AKR1C1: variants seen among roughly 807,000 people sequenced by gnomAD.
The protein encoded by AKR1C1 is 20 alpha-hydroxysteroid dehydrogenase.
AKR1C1 carries 32 observed loss-of-function variants against 40.6 expected under a neutral mutation model. That is an observed-to-expected ratio of 0.79 (90% CI 0.60 to 1.06). The LOEUF (loss-of-function observed/expected upper bound fraction) is 1.06. AKR1C1 is among the 50% of genes least tolerant of loss of function. The probability of loss-of-function intolerance (pLI) is 0.00; values close to 1 mark genes in which losing one functional copy is unlikely to be tolerated. For missense variants in AKR1C1, 320 were observed against 363.5 expected (o/e 0.88, Z 0.97); for synonymous variants, 105 against 134.2 (o/e 0.78, Z 1.50).
At chr10:4,973,916 A>ATACG (rs1836481331) in intron 7 of AKR1C1, among the ~76,000 whole-genome samples, 1 of 14,692 alleles carries the variant, frequency 6.8e-5, no homozygotes, top group African/African-American at 3.3e-4. Flanking sequence ...TATATGAAAT[A>ATACG]TCATATATGA....
chr10:4,967,232 T>G, intron 3 of AKR1C1, 189 bp downstream of exon 3: 1 of 993,676 alleles, frequency 1.0e-6, no homozygotes, highest in Non-Finnish European at 1.4e-6. Context: ...TGATTGCATG[T>G]CTATAAGAAA....
intron 3 of AKR1C1, chr10:4,968,087 G>A (rs1836358349): frequency 3.3e-6 from 3 of 918,480 alleles, no homozygotes; most frequent in Non-Finnish European, 3.2e-6. Context: ...CCAGAAAGAG[G>A]TATTTATTTA....
At chr10:4,964,173 G>A (rs7074155) in intron 1 of AKR1C1, among the ~76,000 whole-genome samples, 52,389 of 151,326 alleles carry the variant, frequency 0.35, 10,341 homozygotes, top group African/African-American at 0.54. Flanking sequence ...TTCTCTGACA[G>A]GAAAATTAAT....
At chr10:4,969,686 T>G in intron 5 of AKR1C1, 2 of 1,611,772 alleles carry the variant, frequency 1.2e-6, no homozygotes, top group Non-Finnish European at 1.7e-6. Flanking sequence ...CTAGAGATAA[T>G]TCCATCTTTT....
rs1554770853 is a variant in AKR1C1, at chr10:4,979,392, G to C, written c.*1650G>C. 6.6e-6 allele frequency: 1 copy of C among 152,158 alleles called. No individual in the cohort carries two copies. Among genetic ancestry groups the C allele is most frequent in the Non-Finnish European group, 1.5e-5 (1 of 68,032 alleles). 9.4% of individuals were successfully genotyped at this position (152,158 alleles called of 1,614,324 possible). ...GTGAACTCTGCATCTCCATGTTAAA[G>C]TCTAATGGACATTCACACTTAGCAT... On this transcript the variant is annotated 3_prime_UTR_variant, in exon 9 of 9. Transcript: ENST00000380872.
At chr10:4,965,510 C>T (rs1348635660) in intron 1 of AKR1C1, 1 of 155,086 alleles carries the variant, frequency 6.4e-6, no homozygotes, top group Non-Finnish European at 1.4e-5. Context: ...ATGATCCGCC[C>T]AGCTCGGCCT....
In AKR1C1 at chr10:4,979,733, A is replaced by C. The variant is rs1325231773; in HGVS notation, c.*1991A>C. On this transcript the variant is annotated 3_prime_UTR_variant, in exon 9 of 9. Transcript: ENST00000380872. ...TTATAAAACTCTTATTGTTAAAAAA[A>C]AAGTTACTCAGAATTTCATAAAGCC... The C allele has an allele frequency of 1.3e-5, 2 of 152,198 alleles. No individual in the cohort carries two copies. The highest frequency in any genetic ancestry group is 1.3e-4 in the Admixed American group (2 of 15,276). The allele number at this position is 152,198 out of a possible 1,614,324, so 9.4% of individuals were successfully genotyped here. A position where few individuals can be genotyped will look rare whatever the true frequency, so the allele number is the denominator to read the frequency against.
Position 4,972,653 on chromosome 10 carries a change from A to T in AKR1C1, c.750A>T (p.Arg250=), listed in dbSNP as rs782566121. The change falls in exon 7 of 9, where the codon CGA becomes CGT. Residue 250 remains arginine, a synonymous_variant. Transcript: ENST00000380872. ...VLCALAKKHK[R]TPALIALRYQ... is the part of the protein sequence containing the mutation. ...GTGCCTTGGCAAAAAAGCACAAGCG[A>T]ACCCCAGCCCTGATTGCCCTGCGCT... 9.4e-5 allele frequency: 152 copies of T among 1,613,110 alleles called. No individual in the cohort carries two copies. The highest frequency in any genetic ancestry group is 1.2e-4 in the Non-Finnish European group (138 of 1,180,046).
intron 5 of AKR1C1, among the ~76,000 whole-genome samples, chr10:4,969,172 G>C (rs1836384591): frequency 6.6e-6 from 1 of 152,138 alleles, no homozygotes; most frequent in African/African-American, 2.4e-5. Context: ...ATTTATGGGA[G>C]GTCAATTCAA....
In AKR1C1 at chr10:4,982,295, C is replaced by G. The variant is rs1197783977; in HGVS notation, c.*4553C>G. 1.3e-5 allele frequency: 2 copies of G among 152,168 alleles called. No individual in the cohort carries two copies. The allele number at this position is 152,168 out of a possible 1,614,324, so 9.4% of individuals were successfully genotyped here. On this transcript the variant is annotated 3_prime_UTR_variant, in exon 9 of 9. Transcript: ENST00000380872. ...CATCTAGTGGATGTTTGTGGCTTAA[C>G]AAGCCCCTTCAATAAGTACTTGGCG...
rs184667460 is a variant in AKR1C1, at chr10:4,967,038, G to C, written c.364G>C (p.Val122Leu). The C allele has an allele frequency of 1.2e-6, 2 of 1,612,600 alleles. No homozygotes were observed. Among genetic ancestry groups the C allele is most frequent in the East Asian group, 2.2e-5 (1 of 44,864 alleles). The change falls in exon 3 of 9, where the codon GTA becomes CTA. Residue 122 changes from valine (V) to leucine (L), a missense_variant. Physicochemically the swap from Val to Leu is conservative, Grantham distance 32. Transcript: ENST00000380872. ...DLYLIHFPVS[V>L]KPGEEVIPKD... ...CTACCTTATTCATTTTCCAGTGTCT[G>C]TAAAGGTAGGCAGCTTGTGTGATCA...
At chr10:4,972,533 C>A in intron 6 of AKR1C1, 51 bp from the exon 7 acceptor site, 1 of 1,610,728 alleles carries the variant, frequency 6.2e-7, no homozygotes, top group Non-Finnish European at 8.5e-7. Flanking sequence ...AGCCGCCTAA[C>A]AAACTGTATC....
Position 4,981,699 on chromosome 10 carries a change from T to C in AKR1C1, c.*3957T>C, listed in dbSNP as rs559782329. 6.6e-6 allele frequency: 1 copy of C among 152,312 alleles called. No individual in the cohort carries two copies. The highest frequency in any genetic ancestry group is 2.1e-4 in the South Asian group (1 of 4,824). 9.4% of individuals were successfully genotyped at this position (152,312 alleles called of 1,614,324 possible). On this transcript the variant is annotated 3_prime_UTR_variant, in exon 9 of 9. Transcript: ENST00000380872. ...GAGAGAGTTCACTCCAGAGCATACATCCCCACTGGGGATCTGGAAATTCAG... is the reference window on the plus strand; with the variant it reads ...GAGAGAGTTCACTCCAGAGCATACACCCCCACTGGGGATCTGGAAATTCAG...
In AKR1C1 at chr10:4,968,196, G is replaced by A. The variant is rs1010027895; in HGVS notation, c.370-113G>A. On this transcript the variant is annotated intron_variant, in intron 3 of 8. Coordinates refer to ENST00000380872, the MANE Select transcript of AKR1C1 (RefSeq NM_001353.6). The stretch of plus-strand genomic sequence containing the variant: ...CACTCTGTACATACCACTCTCTGGA[G>A]CACTGCATCACCTACCTCATGGAGG... 1.5e-5 allele frequency: 21 copies of A among 1,358,674 alleles called. 2 individuals are homozygous for A. The highest frequency in any genetic ancestry group is 2.2e-5 in the Non-Finnish European group (21 of 971,410). The allele number at this position is 1,358,674 out of a possible 1,614,324, so 84.2% of individuals were successfully genotyped here. A position where few individuals can be genotyped will look rare whatever the true frequency, so the allele number is the denominator to read the frequency against.
intron 3 of AKR1C1, 148 bp downstream of exon 3, chr10:4,967,191 C>A: frequency 1.0e-6 from 1 of 1,000,676 alleles, no homozygotes; most frequent in Non-Finnish European, 1.4e-6. Context: ...TAATTCCTTT[C>A]TATGGGATAC....
In AKR1C1 at chr10:4,978,716, A is replaced by T. The variant is rs570187701; in HGVS notation, c.*974A>T. ...TATAAAACAAAAATATCCCAAAGCC[A>T]TTATGCATGGCACTCAAGATTAAAA... On this transcript the variant is annotated 3_prime_UTR_variant, in exon 9 of 9. Transcript: ENST00000380872. The T allele has an allele frequency of 6.6e-6, 1 of 152,256 alleles. No individual in the cohort carries two copies. Among genetic ancestry groups the T allele is most frequent in the Admixed American group, 6.5e-5 (1 of 15,288 alleles). The allele number at this position is 152,256 out of a possible 1,614,324, so 9.4% of individuals were successfully genotyped here. A position where few individuals can be genotyped will look rare whatever the true frequency, so the allele number is the denominator to read the frequency against.
intron 7 of AKR1C1, among the ~76,000 whole-genome samples, chr10:4,975,422 G>T (rs1554770365): frequency 6.6e-6 from 1 of 152,188 alleles, no homozygotes. Flanking sequence ...CTTGAGTGAT[G>T]TTGAAAACTA....
chr10:4,968,733 T>C (rs1445243087), intron 4 of AKR1C1, 89 bp from the exon 5 acceptor site: 7 of 1,589,420 alleles, frequency 4.4e-6, no homozygotes, highest in Non-Finnish European at 6.0e-6. Context: ...GCTAGCTAGT[T>C]TTATTGTCAT....
intron 7 of AKR1C1, among the ~76,000 whole-genome samples, chr10:4,975,414 T>A (rs139605484): frequency 6.6e-6 from 1 of 152,168 alleles, no homozygotes; most frequent in South Asian, 2.1e-4. Context: ...ATTATTGGCT[T>A]GAGTGATGTT....
Sources: gnomAD v4.1 joint callset for allele counts (sites outside exome capture counted in the v4.1 genomes callset) on GRCh38, gnomAD v4.1.1 for gene constraint, MANE v1.5 for transcripts, NCBI Gene and HGNC (gene_info 2026-07-23, HGNC 2026-07-21) for gene names.